FGF14: variants seen among roughly 807,000 people sequenced by gnomAD.
FGF14 encodes fibroblast growth factor 14.
In FGF14, 5 loss-of-function variants were observed where a neutral mutation model predicts 25.5. The observed-to-expected ratio is 0.20, with a 90% CI of 0.10 to 0.41. The LOEUF is 0.41. FGF14 is among the 10% of genes least tolerant of loss of function. The pLI, the probability that FGF14 is intolerant of heterozygous loss-of-function variation, is 1.00. For missense variants in FGF14, 222 were observed against 320.1 expected, an observed-to-expected ratio of 0.69 and a Z score of 2.34; for synonymous variants, 138 against 118.3, an observed-to-expected ratio of 1.17 and a Z score of -1.08.
intron 1 of FGF14, among the ~76,000 whole-genome samples, chr13:101,913,231 G>T (rs958687969): frequency 3.9e-5 from 6 of 152,324 alleles, no homozygotes; most frequent in African/African-American, 1.4e-4. Context: ...TGACTAATTT[G>T]CGGGGTGTGT....
chr13:101,766,461 C>A (rs1468792615), intron 3 of FGF14, among the ~76,000 whole-genome samples: 1 of 152,038 alleles, frequency 6.6e-6, no homozygotes, highest in Non-Finnish European at 1.5e-5. Context: ...CAGACTCTTG[C>A]AATATGTTGT....
intron 1 of FGF14, among the ~76,000 whole-genome samples, chr13:102,258,959 T>C (rs1380249813): frequency 6.6e-6 from 1 of 152,160 alleles, no homozygotes; most frequent in African/African-American, 2.4e-5. Flanking sequence ...AATAGATAGA[T>C]AGTTTTACCT....
At chr13:101,947,817 C>A (rs1425948453) in intron 1 of FGF14, among the ~76,000 whole-genome samples, 4 of 152,004 alleles carry the variant, frequency 2.6e-5, no homozygotes, top group Non-Finnish European at 5.9e-5. Flanking sequence ...TACATGTACC[C>A]CTTATGTCTA....
At chr13:102,238,727 G>A (rs1027879100) in intron 1 of FGF14, among the ~76,000 whole-genome samples, 1 of 152,128 alleles carries the variant, frequency 6.6e-6, no homozygotes, top group Non-Finnish European at 1.5e-5. Context: ...CAAATTAGCT[G>A]GAGACTTATT....
At chr13:102,032,506 G>A (rs1042301770) in intron 1 of FGF14, among the ~76,000 whole-genome samples, 6 of 152,078 alleles carry the variant, frequency 3.9e-5, no homozygotes, top group African/African-American at 1.4e-4. Flanking sequence ...TTTGAGTAAT[G>A]ACATAGTTTT....
chr13:102,383,249 A>T lies in FGF14; in HGVS notation c.208+18222T>A, dbSNP rs866862860. Among the ~76,000 whole-genome samples, 16 of 152,156 alleles carry T rather than the reference A, an allele frequency of 1.1e-4. No homozygotes were observed. The South Asian group carries it at 1.4e-3, about 14-fold the overall frequency. ...AAAATATGTTATAAAAATAATTGTT[A>T]TATCAATTATTTTAGATTTCTTAAA... On this transcript the variant is annotated intron_variant, in intron 1 of 4. Transcript: ENST00000376131.
intron 1 of FGF14, among the ~76,000 whole-genome samples, chr13:102,020,432 C>A (rs939963345): frequency 2.0e-5 from 3 of 152,046 alleles, no homozygotes; most frequent in African/African-American, 7.2e-5. Context: ...CCTGTAATCC[C>A]AGCTACTTGG....
intron 1 of FGF14, among the ~76,000 whole-genome samples, chr13:102,019,485 A>G (rs963723533): frequency 2.0e-5 from 3 of 152,068 alleles, no homozygotes; most frequent in Non-Finnish European, 2.9e-5. Flanking sequence ...TAAACATCCC[A>G]TCTGTCCCTG....
intron 3 of FGF14, among the ~76,000 whole-genome samples, chr13:101,844,161 T>C (rs1408896290): frequency 1.3e-5 from 2 of 152,130 alleles, no homozygotes; most frequent in East Asian, 1.9e-4. Flanking sequence ...GCCTCTAAAA[T>C]GCAACAGTCT....
chr13:102,100,593 T>TG (rs921244813), intron 1 of FGF14, among the ~76,000 whole-genome samples: 1 of 152,144 alleles, frequency 6.6e-6, no homozygotes, highest in Non-Finnish European at 1.5e-5. Flanking sequence ...GCTTGCTACT[T>TG]GGGGATACTT....
intron 1 of FGF14, among the ~76,000 whole-genome samples, chr13:102,044,378 T>G (rs2041885518): frequency 6.6e-6 from 1 of 152,170 alleles, no homozygotes; most frequent in South Asian, 2.1e-4. Flanking sequence ...AAAACTGCTT[T>G]TATTAAATGA....
At chr13:102,207,825 T>C (rs2140909075) in intron 1 of FGF14, among the ~76,000 whole-genome samples, 1 of 152,188 alleles carries the variant, frequency 6.6e-6, no homozygotes, top group South Asian at 2.1e-4. Context: ...AAATGATCTG[T>C]TCATAGCTGC....
chr13:102,026,998 T>G (rs181550215), intron 1 of FGF14, among the ~76,000 whole-genome samples: 3 of 152,100 alleles, frequency 2.0e-5, no homozygotes, highest in Admixed American at 2.0e-4. Flanking sequence ...CTCATAAACC[T>G]AAAGGGGCTG....
At chr13:102,192,163 A>T (rs2049152281) in intron 1 of FGF14, among the ~76,000 whole-genome samples, 1 of 152,214 alleles carries the variant, frequency 6.6e-6, no homozygotes, top group Non-Finnish European at 1.5e-5. Flanking sequence ...CACTGACCTG[A>T]TGATCTCTGA....
chr13:102,252,190 G>GC (rs2052214131), intron 1 of FGF14, among the ~76,000 whole-genome samples: 1 of 152,202 alleles, frequency 6.6e-6, no homozygotes, highest in Non-Finnish European at 1.5e-5. Context: ...AAGAACTGGA[G>GC]CAGGACACAT....
chr13:102,332,819 T>C (rs1025332086), intron 1 of FGF14, among the ~76,000 whole-genome samples: 4 of 152,192 alleles, frequency 2.6e-5, no homozygotes, highest in African/African-American at 9.6e-5. Context: ...TAGACAGCTC[T>C]AGTTTGCATA....
intron 1 of FGF14, among the ~76,000 whole-genome samples, chr13:102,074,251 T>C (rs1427080491): frequency 6.6e-6 from 1 of 152,162 alleles, no homozygotes; most frequent in Non-Finnish European, 1.5e-5. Flanking sequence ...TGGACTCAAA[T>C]CATCCTCCTT....
chr13:102,235,809 C>T (rs2051302726), intron 1 of FGF14, among the ~76,000 whole-genome samples: 1 of 152,084 alleles, frequency 6.6e-6, no homozygotes, highest in East Asian at 1.9e-4. Flanking sequence ...GAGGCTGAGA[C>T]CTGCTGGGCT....
intron 1 of FGF14, among the ~76,000 whole-genome samples, chr13:102,156,380 C>A (rs2047339417): frequency 6.6e-6 from 1 of 152,134 alleles, no homozygotes; most frequent in Non-Finnish European, 1.5e-5. Context: ...AAATGTAATC[C>A]AGCATATAAA....
Sources: allele counts gnomAD v4.1 joint callset (sites outside exome capture counted in the v4.1 genomes callset), GRCh38; gene constraint gnomAD v4.1.1; transcripts MANE v1.5; gene names NCBI Gene and HGNC (gene_info 2026-07-23, HGNC 2026-07-21).